The following PCDHGB4 variants were observed in gnomAD, a reference collection of about 807,000 sequenced individuals.
PCDHGB4 encodes the protein protocadherin gamma subfamily B, 4, also known as protocadherin gamma-B4.
PCDHGB4 carries 38 observed loss-of-function variants against 60.5 expected under a neutral mutation model. The ratio of observed to expected loss-of-function variants is 0.63; its 90% CI spans 0.48 to 0.82. The LOEUF (loss-of-function observed/expected upper bound fraction) is 0.82. Among genes scored for constraint, PCDHGB4 ranks in the 40% least tolerant of loss-of-function variants. PCDHGB4 has a pLI of 0.00. For missense variants in PCDHGB4, 1,109 were observed against 1,209.6 expected, an observed-to-expected ratio of 0.92 and a Z score of 1.23; for synonymous variants, 456 against 509.7, an observed-to-expected ratio of 0.89 and a Z score of 1.42.
intron 1 of PCDHGB4, among the ~76,000 whole-genome samples, chr5:141,482,765 T>C (rs2099572013): frequency 7.9e-6 from 1 of 127,068 alleles, no homozygotes; most frequent in African/African-American, 3.6e-5. Flanking sequence ...TATTTCATTA[T>C]CACTGAACCT....
At chr5:141,437,652 A>T (rs899628392) in intron 1 of PCDHGB4, among the ~76,000 whole-genome samples, 1 of 152,196 alleles carries the variant, frequency 6.6e-6, no homozygotes, top group African/African-American at 2.4e-5. Context: ...AAGCAAACAC[A>T]TAGTTTCGAA....
intron 1 of PCDHGB4, chr5:141,427,650 G>A (rs1352503291): frequency 1.4e-6 from 1 of 718,312 alleles, no homozygotes; most frequent in Admixed American, 2.0e-5. Flanking sequence ...AGTCTCCTAC[G>A]TGGTCCACGT....
At chr5:141,445,257 A>G (rs1253126709) in intron 1 of PCDHGB4, among the ~76,000 whole-genome samples, 3 of 152,152 alleles carry the variant, frequency 2.0e-5, no homozygotes, top group African/African-American at 2.4e-5. Context: ...GTGTGAGAAT[A>G]TAAGTCGAAA....
intron 1 of PCDHGB4, chr5:141,422,174 A>G (rs763681065): frequency 5.1e-6 from 8 of 1,564,176 alleles, no homozygotes; most frequent in African/African-American, 2.8e-5. Flanking sequence ...TATAGATTCT[A>G]TGAGATGGAA....
At position 141,408,231 on chromosome 5, in the gene PCDHGB4, G is replaced by C. The variant is rs775180708; in HGVS notation, c.2397+17950G>C. 1.0e-5 allele frequency: 16 copies of C among 1,567,976 alleles called. No individual in the cohort carries two copies. The highest frequency in any genetic ancestry group is 1.2e-5 in the Non-Finnish European group (14 of 1,156,162). ...GGAGGGAGCTGCGCGCAGAGGCGCC[G>C]GGCCGGCCCGCGGCAGGTGCTATTT... is the stretch of plus-strand genomic sequence containing the variant. On this transcript the variant is annotated intron_variant, in intron 1 of 3. Transcript: ENST00000519479.
chr5:141,508,961 A>G (rs991011427), intron 3 of PCDHGB4, among the ~76,000 whole-genome samples: 2 of 151,978 alleles, frequency 1.3e-5, no homozygotes, highest in Non-Finnish European at 2.9e-5. Flanking sequence ...TGTCAGCGGA[A>G]TGAAAGGGCT....
At chr5:141,457,318 C>T (rs990268003) in intron 1 of PCDHGB4, among the ~76,000 whole-genome samples, 3 of 152,238 alleles carry the variant, frequency 2.0e-5, no homozygotes, top group South Asian at 2.1e-4. Context: ...AAGAAACCTC[C>T]GGGTTACAGG....
At chr5:141,506,636 C>T (rs1421676205) in intron 3 of PCDHGB4, among the ~76,000 whole-genome samples, 2 of 152,020 alleles carry the variant, frequency 1.3e-5, no homozygotes, top group South Asian at 2.1e-4. Context: ...AATGCAAGTC[C>T]CTCAGCACAG....
chr5:141,462,011 C>T (rs567038580), intron 1 of PCDHGB4, among the ~76,000 whole-genome samples: 32 of 152,182 alleles, frequency 2.1e-4, no homozygotes, highest in Admixed American at 5.9e-4. Flanking sequence ...TTAATAGAGA[C>T]GGGGTTTCTT....
At chr5:141,418,278 T>C (rs2096243624) in intron 1 of PCDHGB4, 1 of 1,613,954 alleles carries the variant, frequency 6.2e-7, no homozygotes, top group East Asian at 2.2e-5. Context: ...GAAATAAACT[T>C]AGAAATCAGT....
chr5:141,501,328 CACACA>C (rs1562200832), intron 2 of PCDHGB4, among the ~76,000 whole-genome samples: 17 of 151,710 alleles, frequency 1.1e-4, no homozygotes, highest in African/African-American at 1.9e-4. Context: ...CACACACACA[CACACA>C]CCCCAAACTC....
chr5:141,492,851 C>T (rs1289268967), intron 1 of PCDHGB4, among the ~76,000 whole-genome samples: 2 of 152,204 alleles, frequency 1.3e-5, no homozygotes, highest in Non-Finnish European at 2.9e-5. Flanking sequence ...GTGAAAGCCT[C>T]GAGCGCCCTG....
At chr5:141,403,979 A>G in intron 1 of PCDHGB4, 1 of 1,613,932 alleles carries the variant, frequency 6.2e-7, no homozygotes, top group Non-Finnish European at 8.5e-7. Context: ...TGTAAATGAC[A>G]ATAGACCTGA....
In PCDHGB4 at chr5:141,489,928, G is replaced by A. The variant is rs752861962; in HGVS notation, c.2398-4879G>A. ...CCGCTCAGGGACCACCCTTATCTCT[G>A]TCATCGTGCTGGACATCAATGATAA... On this transcript the variant is annotated intron_variant, in intron 1 of 3. Transcript: ENST00000519479. The surrounding 1 kb of genome is among the most constrained non-coding windows in gnomAD (Gnocchi z 4.5). 2 of 1,614,206 alleles carry A rather than the reference G, an allele frequency of 1.2e-6. No homozygotes were observed. Among genetic ancestry groups the A allele is most frequent in the Non-Finnish European group, 1.7e-6 (2 of 1,180,038 alleles).
intron 1 of PCDHGB4, chr5:141,423,296 T>G (rs771340929): frequency 6.2e-7 from 1 of 1,614,124 alleles, no homozygotes; most frequent in Non-Finnish European, 8.5e-7. Context: ...ACCTCAGACC[T>G]CTCGCTGTAC....
At chr5:141,397,887 G>C in intron 1 of PCDHGB4, 1 of 617,602 alleles carries the variant, frequency 1.6e-6, no homozygotes, top group South Asian at 2.4e-5. Flanking sequence ...GCCGCTGTTG[G>C]CCAAAGTGCA....
rs771341809 is a variant in PCDHGB4 at position 141,404,607 on chromosome 5, T to C, written c.2397+14326T>C. 5 of 1,613,938 alleles carry C rather than the reference T, an allele frequency of 3.1e-6. No homozygotes were observed. The African/African-American group carries it at 6.7e-5, about 22-fold the overall frequency. ...AGCAATGTGTCATTGAGACTGTTTG[T>C]TTTGGACCAGAATGACAATGCCCCA... On this transcript the variant is annotated intron_variant, in intron 1 of 3. Coordinates refer to ENST00000519479, the MANE Select transcript of PCDHGB4 (RefSeq NM_003736.4).
At position 141,422,630 on chromosome 5, in the gene PCDHGB4, G is replaced by A. The variant is rs1193466428; in HGVS notation, c.2397+32349G>A. 5 of 1,613,176 alleles carry A rather than the reference G, an allele frequency of 3.1e-6. No homozygotes were observed. The Admixed American group carries it at 8.3e-5, about 27-fold the overall frequency. On this transcript the variant is annotated intron_variant, in intron 1 of 3. Coordinates refer to ENST00000519479, the MANE Select transcript of PCDHGB4 (RefSeq NM_003736.4). ...GCCTACATTCCCGAAAACAACCCCA[G>A]GGGTGCCTCCATCTTCTCAGTGACC...
rs561094692 is a variant in PCDHGB4, at chr5:141,389,991, G to T, written c.2107G>T (p.Val703Leu). ...GGCCTTGATCTCAGTGCTCTTCCTC[G>T]TGGCCATGATTCTGGCCATTGCCTT... ...ALALISVLFL[V>L]AMILAIALRL... is the part of the protein sequence containing the mutation. Residue 703 changes from valine to leucine, a missense_variant, in exon 1 of 4, where the codon GTG becomes TTG. Transcript: ENST00000519479. The T allele has an allele frequency of 1.2e-6, 2 of 1,614,016 alleles. No individual in the cohort carries two copies. The highest frequency in any genetic ancestry group is 2.7e-5 in the African/African-American group (2 of 75,058).
Sources: allele counts gnomAD v4.1 joint callset (sites outside exome capture counted in the v4.1 genomes callset), GRCh38; gene constraint gnomAD v4.1.1; non-coding constraint Gnocchi (gnomAD v3.1); transcripts MANE v1.5; gene names NCBI Gene and HGNC (gene_info 2026-07-23, HGNC 2026-07-21).